TMEM14B: variants seen among roughly 807,000 people sequenced by gnomAD.
TMEM14B encodes transmembrane protein 14B.
In TMEM14B, 9 loss-of-function variants were observed where a neutral mutation model predicts 14.8. The ratio of observed to expected loss-of-function variants is 0.61; its 90% CI spans 0.37 to 1.06. TMEM14B has a LOEUF of 1.06. TMEM14B is among the 50% of genes least tolerant of loss of function. The probability of loss-of-function intolerance (pLI) is 0.01; values close to 1 mark genes in which losing one functional copy is unlikely to be tolerated. For missense variants in TMEM14B, 128 were observed against 143.6 expected, an observed-to-expected ratio of 0.89 and a Z score of 0.56; for synonymous variants, 40 against 51.3, an observed-to-expected ratio of 0.78 and a Z score of 0.94.
chr6:10,758,473 G>A (rs1483733925), downstream of TMEM14B, among the ~76,000 whole-genome samples: 1 of 152,222 alleles, frequency 6.6e-6, no homozygotes, highest in Non-Finnish European at 1.5e-5. Flanking sequence ...CTTGCCAAGT[G>A]CCCTCATCCC....
intron 3 of TMEM14B, 145 bp downstream of exon 3, chr6:10,749,843 T>TG (rs1771480464): frequency 2.2e-6 from 2 of 905,114 alleles, no homozygotes; most frequent in South Asian, 2.9e-5. Flanking sequence ...TTGTCAGTCT[T>TG]GCAGCTCCTG....
intron 1 of TMEM14B, 65 bp from the exon 2 acceptor site, chr6:10,749,137 C>T (rs2127493562): frequency 9.0e-7 from 1 of 1,113,898 alleles, no homozygotes; most frequent in Non-Finnish European, 1.4e-6. Context: ...AGGTTGGACA[C>T]ACTTCTTTCT....
chr6:10,753,605 C>G (rs957308627), intron 4 of TMEM14B, among the ~76,000 whole-genome samples: 1 of 151,922 alleles, frequency 6.6e-6, no homozygotes, highest in Non-Finnish European at 1.5e-5. Flanking sequence ...ACACAAATTT[C>G]TCTCTCCTCC....
chr6:10,750,175 T>A (rs1001538719), intron 3 of TMEM14B: 1 of 164,270 alleles, frequency 6.1e-6, no homozygotes, highest in African/African-American at 2.5e-5. Flanking sequence ...GATCTTCTAT[T>A]TTTTTTTTAA....
At chr6:10,755,756 A>T in intron 5 of TMEM14B, 4 of 778,312 alleles carry the variant, frequency 5.1e-6, no homozygotes, top group Non-Finnish European at 6.3e-6. Context: ...GGAGTTTGAG[A>T]CCAGCCTGGC....
At chr6:10,752,238 G>A (rs1231524767) in intron 4 of TMEM14B, among the ~76,000 whole-genome samples, 1 of 151,926 alleles carries the variant, frequency 6.6e-6, no homozygotes, top group East Asian at 1.9e-4. Context: ...ATCAGGTGGG[G>A]ACTCCTGGAG....
At chr6:10,748,645 C>T (rs1771427154) in intron 1 of TMEM14B, among the ~76,000 whole-genome samples, 1 of 152,164 alleles carries the variant, frequency 6.6e-6, no homozygotes, top group Non-Finnish European at 1.5e-5. Flanking sequence ...AAAATAGGAG[C>T]TGTTTTTCCA....
At chr6:10,755,080 T>C (rs1771751893) in intron 4 of TMEM14B, 62 bp from the exon 5 acceptor site, 2 of 1,566,504 alleles carry the variant, frequency 1.3e-6, no homozygotes, top group Non-Finnish European at 1.7e-6. Flanking sequence ...GGGCTTGGTC[T>C]ACTTCTGATT....
At chr6:10,755,037 A>G (rs996882622) in intron 4 of TMEM14B, 105 bp from the exon 5 acceptor site, 2 of 1,216,032 alleles carry the variant, frequency 1.6e-6, no homozygotes, top group Non-Finnish European at 2.3e-6. Context: ...AGGAATAAGC[A>G]TAGGATGAGG....
At chr6:10,748,355 C>G (rs1340178947) in intron 1 of TMEM14B, among the ~76,000 whole-genome samples, 1 of 152,138 alleles carries the variant, frequency 6.6e-6, no homozygotes, top group Non-Finnish European at 1.5e-5. Context: ...AAGCCATCCT[C>G]CCACCTCAGC....
intron 5 of TMEM14B, chr6:10,755,568 CTT>C: frequency 7.9e-7 from 1 of 1,273,088 alleles, no homozygotes; most frequent in Non-Finnish European, 9.9e-7. Flanking sequence ...GTGTAGGTGT[CTT>C]TTGTAGAAAA....
chr6:10,752,345 G>T (rs1168327584), intron 4 of TMEM14B, among the ~76,000 whole-genome samples: 1 of 151,700 alleles, frequency 6.6e-6, no homozygotes, highest in Non-Finnish European at 1.5e-5. Context: ...ACCGTCTCCA[G>T]ACCTTTACAC....
chr6:10,755,402 T>G, intron 5 of TMEM14B, 170 bp downstream of exon 5: 2 of 1,507,084 alleles, frequency 1.3e-6, no homozygotes, highest in South Asian at 2.6e-5. Flanking sequence ...TGATTTAATG[T>G]CAAATGACAT....
intron 4 of TMEM14B, among the ~76,000 whole-genome samples, chr6:10,753,677 G>A (rs909438435): frequency 5.3e-5 from 8 of 151,732 alleles, no homozygotes; most frequent in Admixed American, 6.6e-5. Context: ...GAATCTGCCC[G>A]GACCTAACCT....
chr6:10,758,475 C>T (rs1025536968), downstream of TMEM14B, among the ~76,000 whole-genome samples: 1 of 152,184 alleles, frequency 6.6e-6, no homozygotes, highest in Admixed American at 6.5e-5. Flanking sequence ...TGCCAAGTGC[C>T]CTCATCCCTG....
chr6:10,759,069 C>T (rs768854995), downstream of TMEM14B: 10 of 172,220 alleles, frequency 5.8e-5, no homozygotes, highest in South Asian at 8.5e-4. Context: ...CAGGTGTGCA[C>T]CACCACACCC....
At chr6:10,755,366 A>T (rs765943521) in intron 5 of TMEM14B, 134 bp downstream of exon 5, 4 of 1,540,608 alleles carry the variant, frequency 2.6e-6, no homozygotes, top group Middle Eastern at 1.7e-4. Context: ...TTATACACTA[A>T]TAGGAGATGC....
chr6:10,755,846 C>T (rs536023375), intron 5 of TMEM14B: 23 of 196,220 alleles, frequency 1.2e-4, no homozygotes, highest in South Asian at 3.5e-4. Flanking sequence ...CCCAGCTACT[C>T]GGGAGGTCGA....
At chr6:10,758,716 G>C (rs1451633755), downstream of TMEM14B, among the ~76,000 whole-genome samples, 2 of 152,142 alleles carry the variant, frequency 1.3e-5, no homozygotes, top group Non-Finnish European at 2.9e-5. Flanking sequence ...GCTTCACAAA[G>C]GAACCAACAG....
Sources: gnomAD v4.1 joint callset for allele counts (sites outside exome capture counted in the v4.1 genomes callset) on GRCh38, gnomAD v4.1.1 for gene constraint, MANE v1.5 for transcripts, NCBI Gene and HGNC (gene_info 2026-07-23, HGNC 2026-07-21) for gene names.